Variants in PPARGC1A observed in about 807,000 individuals in gnomAD.
PPARGC1A encodes PPARG coactivator 1 alpha.
Under a neutral mutation model 88.7 loss-of-function variants are expected in PPARGC1A, and 25 were observed. That is an observed-to-expected ratio of 0.28 (90% CI 0.21 to 0.39). The LOEUF (loss-of-function observed/expected upper bound fraction) is 0.39. Ranked by LOEUF, PPARGC1A falls within the 10% of genes least tolerant of loss-of-function variation. The pLI, the probability that PPARGC1A is intolerant of heterozygous loss-of-function variation, is 1.00. For synonymous variants in PPARGC1A, 363 were observed against 355.6 expected (o/e 1.02, Z -0.24); for missense variants, 880 against 968.7 (o/e 0.91, Z 1.22).
the PPARGC1A span, among the ~76,000 whole-genome samples, chr4:23,927,586 C>T: frequency 6.6e-6 from 1 of 152,134 alleles, no homozygotes; most frequent in Admixed American, 6.5e-5. Context: ...CCCTCCTGAG[C>T]ACCTGTTATC....
chr4:24,178,294 T>C, the PPARGC1A span, among the ~76,000 whole-genome samples: 1 of 152,194 alleles, frequency 6.6e-6, no homozygotes, highest in African/African-American at 2.4e-5. Context: ...AGATAGAGGC[T>C]ATCATTATAT....
At chr4:23,935,015 A>T in the PPARGC1A span, among the ~76,000 whole-genome samples, 1 of 152,194 alleles carries the variant, frequency 6.6e-6, no homozygotes, top group Non-Finnish European at 1.5e-5. Context: ...TTGGGCAGAA[A>T]CCAAGCTCGA....
the PPARGC1A span, among the ~76,000 whole-genome samples, chr4:24,190,458 T>A: frequency 6.6e-6 from 1 of 152,066 alleles, no homozygotes; most frequent in Non-Finnish European, 1.5e-5. Flanking sequence ...TAGCTTGCAG[T>A]GAGCCGAGAT....
At chr4:23,799,774 C>T (rs886428390) in intron 12 of PPARGC1A, among the ~76,000 whole-genome samples, 3 of 152,118 alleles carry the variant, frequency 2.0e-5, no homozygotes, top group Non-Finnish European at 4.4e-5. Context: ...CCATCCAATC[C>T]TCCCTCTCTA....
Position 23,813,976 on chromosome 4 carries a change from A to C in PPARGC1A, c.1507T>G (p.Ser503Ala). 1 of 1,614,116 alleles carries C rather than the reference A, an allele frequency of 6.2e-7. No homozygotes were observed. The change falls in exon 8 of 13, where the codon TCA becomes GCA. Residue 503 changes from serine to alanine, a missense_variant. Physicochemically the swap from Ser to Ala is moderately conservative, Grantham distance 99. Transcript: ENST00000264867. ...AACAGGCCATCCATGGCTAGTCCTG[A>C]ATTTATAAACATAGGTAGTTTGGAG... ...QFSKLPMFIN[S>A]GLAMDGLFDD...
chr4:24,283,393 C>A, the PPARGC1A span, among the ~76,000 whole-genome samples: 1 of 152,192 alleles, frequency 6.6e-6, no homozygotes, highest in African/African-American at 2.4e-5. Flanking sequence ...GCCCTACCCA[C>A]CTTCAGGTAT....
chr4:24,105,092 CAT>C, the PPARGC1A span, among the ~76,000 whole-genome samples: 162 of 152,320 alleles, frequency 1.1e-3, 2 homozygotes, highest in Middle Eastern at 3.4e-3. Context: ...TACATTGGAA[CAT>C]GTTTCTAATA....
At chr4:23,860,211 G>T (rs923009748) in intron 2 of PPARGC1A, among the ~76,000 whole-genome samples, 10 of 150,648 alleles carry the variant, frequency 6.6e-5, no homozygotes, top group Non-Finnish European at 1.3e-4. Context: ...GTTTGAGGCT[G>T]CAGTAAGCAA....
chr4:24,159,784 A>G, the PPARGC1A span, among the ~76,000 whole-genome samples: 6 of 152,174 alleles, frequency 3.9e-5, no homozygotes, highest in Admixed American at 2.6e-4. Flanking sequence ...GTTTTATATA[A>G]AACTTCTTAG....
chr4:24,057,538 A>T, the PPARGC1A span, among the ~76,000 whole-genome samples: 1 of 151,932 alleles, frequency 6.6e-6, no homozygotes, highest in African/African-American at 2.4e-5. Flanking sequence ...AACAAAAAGT[A>T]TTTAGCATAG....
At chr4:24,037,962 C>A in the PPARGC1A span, among the ~76,000 whole-genome samples, 1 of 152,150 alleles carries the variant, frequency 6.6e-6, no homozygotes. Context: ...CTAGAATAAT[C>A]CAGGCTGCTA....
the PPARGC1A span, among the ~76,000 whole-genome samples, chr4:24,305,257 T>G: frequency 0.027 from 4,093 of 150,906 alleles, 194 homozygotes; most frequent in African/African-American, 0.095. Context: ...ATATAATATA[T>G]ATATGATATC....
chr4:24,189,024 T>C, the PPARGC1A span, among the ~76,000 whole-genome samples: 4 of 152,120 alleles, frequency 2.6e-5, no homozygotes. Flanking sequence ...GACATCTTGC[T>C]AAAGTGAAAT....
the PPARGC1A span, among the ~76,000 whole-genome samples, chr4:24,393,841 G>A: frequency 1.3e-5 from 2 of 152,200 alleles, no homozygotes; most frequent in Non-Finnish European, 2.9e-5. Flanking sequence ...AATTTTCGCC[G>A]GGCATAGTGG....
At chr4:24,279,777 C>T in the PPARGC1A span, among the ~76,000 whole-genome samples, 1 of 152,136 alleles carries the variant, frequency 6.6e-6, no homozygotes, top group African/African-American at 2.4e-5. Flanking sequence ...CTGCCACCCC[C>T]CTTCTTGTCT....
At chr4:23,840,060 A>G (rs1218879025) in intron 2 of PPARGC1A, among the ~76,000 whole-genome samples, 3 of 152,066 alleles carry the variant, frequency 2.0e-5, no homozygotes, top group Non-Finnish European at 4.4e-5. Flanking sequence ...TCAACACAGA[A>G]GACGAAGTGA....
chr4:23,952,060 T>C, the PPARGC1A span, among the ~76,000 whole-genome samples: 1 of 152,106 alleles, frequency 6.6e-6, no homozygotes, highest in Admixed American at 6.6e-5. Flanking sequence ...CTTGTTCCGA[T>C]TGAGGCTATT....
chr4:24,251,715 T>A, the PPARGC1A span, among the ~76,000 whole-genome samples: 49 of 152,222 alleles, frequency 3.2e-4, 1 homozygote, highest in Non-Finnish European at 5.9e-5. Context: ...GATTAGGTCA[T>A]TTTTCTGAGA....
At chr4:24,451,725 A>C in the PPARGC1A span, among the ~76,000 whole-genome samples, 1 of 152,080 alleles carries the variant, frequency 6.6e-6, no homozygotes, top group Non-Finnish European at 1.5e-5. Flanking sequence ...TTACAGGCAC[A>C]CGCCACCACA....
Sources: gnomAD v4.1 joint callset for allele counts (sites outside exome capture counted in the v4.1 genomes callset) on GRCh38, gnomAD v4.1.1 for gene constraint, MANE v1.5 for transcripts, NCBI Gene and HGNC (gene_info 2026-07-23, HGNC 2026-07-21) for gene names.